Variants in MYO7B observed in about 807,000 individuals in gnomAD.
The protein encoded by MYO7B is unconventional myosin-VIIb.
In MYO7B, 212 loss-of-function variants were observed where a neutral mutation model predicts 259.7. That is an observed-to-expected ratio of 0.82 (90% CI 0.73 to 0.91). The LOEUF is 0.91. Ranked by LOEUF, MYO7B falls within the 40% of genes least tolerant of loss-of-function variation. The pLI is 0.00. For synonymous variants in MYO7B, 1,197 were observed against 1,166.4 expected (o/e 1.03, Z -0.54); for missense variants, 2,732 against 2,813.5 (o/e 0.97, Z 0.66).
chr2:127,556,624 C>G (rs771616387), intron 1 of MYO7B, among the ~76,000 whole-genome samples: 7 of 152,116 alleles, frequency 4.6e-5, no homozygotes, highest in Non-Finnish European at 1.0e-4. Flanking sequence ...CTGAAAAAGA[C>G]TGGATCTTTC....
rs1680321599 is a variant in MYO7B, at chr2:127,610,087, G to T, written c.3192+71G>T. 3 of 1,559,864 alleles carry T rather than the reference G, an allele frequency of 1.9e-6. No homozygotes were observed. In the African/African-American group the frequency reaches 4.0e-5, roughly 21 times the overall value. ...GTGCCTACCAGGGCCCAGTCCCTGGGGCAGCTGGACAGGACGGAGAGACAA... is the reference window on the plus strand; with the variant it reads ...GTGCCTACCAGGGCCCAGTCCCTGGTGCAGCTGGACAGGACGGAGAGACAA... On this transcript the variant is annotated intron_variant, in intron 24 of 47. Coordinates refer to ENST00000409816, the MANE Select transcript of MYO7B (RefSeq NM_001393586.1).
At chr2:127,548,388 T>C (rs1693317821) in intron 1 of MYO7B, among the ~76,000 whole-genome samples, 9 of 151,910 alleles carry the variant, frequency 5.9e-5, no homozygotes, top group Admixed American at 5.9e-4. Context: ...TTTCCTAAGG[T>C]GGAAGCTTAG....
chr2:127,539,267 GA>G lies in MYO7B; in HGVS notation c.-24+3440del, dbSNP rs1325102377. Among the ~76,000 whole-genome samples the G allele has an allele frequency of 6.6e-6, 1 of 152,148 alleles. No homozygotes were observed. Among genetic ancestry groups the G allele is most frequent in the African/African-American group, 2.4e-5 (1 of 41,428 alleles). On this transcript the variant is annotated intron_variant, in intron 1 of 47. Coordinates refer to ENST00000409816, the MANE Select transcript of MYO7B (RefSeq NM_001393586.1). This position sits in a 1 kb window ranked among gnomAD's most constrained non-coding sequence, Gnocchi z 4.0. Reference sequence around the variant, plus strand: ...TGGGACGTAGGATAAATGAAGGTAGGAAAATACACTGCAGCTGGGAAAATGT... The same window carrying G: ...TGGGACGTAGGATAAATGAAGGTAGGAAATACACTGCAGCTGGGAAAATGT...
intron 29 of MYO7B, 101 bp from the exon 30 acceptor site, chr2:127,623,992 C>G: frequency 8.8e-7 from 1 of 1,141,590 alleles, no homozygotes. Context: ...GCTCCAAGGG[C>G]CCCAGGCCCT....
Position 127,588,559 on chromosome 2 carries a change from G to T in MYO7B, c.1854+4G>T. On this transcript the variant is annotated splice_donor_region_variant and intron_variant, in intron 15 of 47. Transcript: ENST00000409816. ...GGCAGGAAACCATCTCTTCAAGGTG[G>T]GCTCCCAGGCACCCTCCTGGGTCTG... 1.2e-6 allele frequency: 2 copies of T among 1,612,896 alleles called. No individual in the cohort carries two copies. The highest frequency in any genetic ancestry group is 1.7e-6 in the Non-Finnish European group (2 of 1,179,816).
At chr2:127,565,449 GAGA>G in intron 4 of MYO7B, 64 bp downstream of exon 4, 1 of 1,587,962 alleles carries the variant, frequency 6.3e-7, no homozygotes, top group Non-Finnish European at 8.6e-7. Context: ...CCTGGACAGG[GAGA>G]AGAAAATGAT....
intron 20 of MYO7B, among the ~76,000 whole-genome samples, chr2:127,606,306 C>T (rs909431844): frequency 6.6e-6 from 1 of 152,216 alleles, no homozygotes; most frequent in Non-Finnish European, 1.5e-5. Flanking sequence ...CTCTTAACCA[C>T]GGGCATTTGC....
chr2:127,562,537 G>A (rs1573623708), intron 2 of MYO7B, among the ~76,000 whole-genome samples: 1 of 117,916 alleles, frequency 8.5e-6, no homozygotes, highest in Middle Eastern at 8.9e-3. Flanking sequence ...TGCCCATGCT[G>A]TTGTGCAGTG....
rs1057495683 is a variant in MYO7B, at chr2:127,577,775, C to T, written c.850-358C>T. Among the ~76,000 whole-genome samples the T allele has an allele frequency of 4.6e-5, 7 of 152,340 alleles. No individual in the cohort carries two copies. The highest frequency in any genetic ancestry group is 1.9e-4 in the East Asian group (1 of 5,184). ...GGCTCCCTGCCTGCCCCCCTGGATG[C>T]GCAGCACAGGGCCTGGCCCATGGCG... is the stretch of plus-strand genomic sequence containing the variant. On this transcript the variant is annotated intron_variant, in intron 8 of 47. Coordinates refer to ENST00000409816, the MANE Select transcript of MYO7B (RefSeq NM_001393586.1). The surrounding 1 kb of genome is among the most constrained non-coding windows in gnomAD (Gnocchi z 5.2).
At position 127,612,591 on chromosome 2, in the gene MYO7B, G is replaced by C. The variant is rs1228993592; in HGVS notation, c.3386G>C (p.Arg1129Pro). ...VHFIVGYAIL[R>P]PSLRDEIYCQ... The stretch of plus-strand genomic sequence containing the variant: ...TTCATCGTGGGCTACGCCATCCTGC[G>C]GCCCAGCCTCAGGTCAGTTCCCACT... The change falls in exon 26 of 48, where the codon CGG becomes CCG. Residue 1129 changes from arginine (R) to proline (P), a missense_variant. Around this residue, in one of 3 missense-constraint regions of MYO7B, gnomAD observed 1,906 missense variants for 2,026.4 expected, o/e 0.94. Coordinates refer to ENST00000409816, the MANE Select transcript of MYO7B (RefSeq NM_001393586.1). 6.2e-7 allele frequency: 1 copy of C among 1,609,830 alleles called. No individual in the cohort carries two copies. The highest frequency in any genetic ancestry group is 8.5e-7 in the Non-Finnish European group (1 of 1,178,556).
At chr2:127,538,663 T>G (rs1359639247) in intron 1 of MYO7B, among the ~76,000 whole-genome samples, 1 of 151,974 alleles carries the variant, frequency 6.6e-6, no homozygotes, top group Non-Finnish European at 1.5e-5. Flanking sequence ...CCTCCCAGGT[T>G]CAAGCAATTC....
At position 127,539,119 on chromosome 2, in the gene MYO7B, A is replaced by G. The variant is rs11899673; in HGVS notation, c.-24+3288A>G. 6.6e-3 allele frequency among the ~76,000 whole-genome samples: 1,005 copies of G among 152,292 alleles called. 11 individuals carry two copies. Among genetic ancestry groups the G allele is most frequent in the African/African-American group, 0.023 (951 of 41,556 alleles). On this transcript the variant is annotated intron_variant, in intron 1 of 47. Coordinates refer to ENST00000409816, the MANE Select transcript of MYO7B (RefSeq NM_001393586.1). This position sits in a 1 kb window ranked among gnomAD's most constrained non-coding sequence, Gnocchi z 4.0. ...ACAGGGCAGTGGTTCATGCACAAGT[A>G]TATGTATCTGTCAATTTCTCTTTCA...
chr2:127,569,897 C>A lies in MYO7B; in HGVS notation c.579C>A (p.Asn193Lys). The change falls in exon 6 of 48, where the codon AAC (asparagine) becomes AAA (lysine). Residue 193 changes from asparagine (N) to lysine (K), a missense_variant. Coordinates refer to ENST00000409816, the MANE Select transcript of MYO7B (RefSeq NM_001393586.1). ...TTGAGCAGCAGGTCCTGGAAGCCAA[C>A]CCCATCCTGGAGGGTAAGCATCACT... Reference protein sequence around the residue: ...SWIEQQVLEANPILEAFGNAK... With the variant: ...SWIEQQVLEAKPILEAFGNAK... 1.2e-6 allele frequency: 2 copies of A among 1,612,528 alleles called. No homozygotes were observed. The highest frequency in any genetic ancestry group is 2.2e-5 in the South Asian group (2 of 90,796).
chr2:127,617,116 G>A (rs971081386), intron 26 of MYO7B, among the ~76,000 whole-genome samples: 1 of 152,148 alleles, frequency 6.6e-6, no homozygotes, highest in African/African-American at 2.4e-5. Flanking sequence ...CCCACATCTT[G>A]ACAAGCTCTG....
intron 26 of MYO7B, among the ~76,000 whole-genome samples, chr2:127,617,920 A>G (rs1385093197): frequency 2.1e-5 from 3 of 144,520 alleles, no homozygotes; most frequent in Non-Finnish European, 3.0e-5. Context: ...TATTGTCCCT[A>G]TCTGTTCCTG....
chr2:127,544,988 G>A (rs1183450347), intron 1 of MYO7B, among the ~76,000 whole-genome samples: 2 of 152,140 alleles, frequency 1.3e-5, no homozygotes, highest in Admixed American at 6.5e-5. Flanking sequence ...ACCTCCCAAA[G>A]TGCTGGGATT....
In MYO7B at chr2:127,568,650, A is replaced by C. The variant is rs563350498; in HGVS notation, c.471-1139A>C. 2.4e-3 allele frequency among the ~76,000 whole-genome samples: 372 copies of C among 152,308 alleles called. 1 individual carries two copies. Among genetic ancestry groups the C allele is most frequent in the Non-Finnish European group, 3.8e-3 (260 of 68,018 alleles). ...GGTAGCTCACGCTTGTAATCCCAGC[A>C]CTTTGGGAGGCTGAGGCAGGTGGAT... is the stretch of plus-strand genomic sequence containing the variant. On this transcript the variant is annotated intron_variant, in intron 5 of 47. Coordinates refer to ENST00000409816, the MANE Select transcript of MYO7B (RefSeq NM_001393586.1).
At position 127,597,611 on chromosome 2, in the gene MYO7B, A is replaced by ATATT. The variant is rs36105119; in HGVS notation, c.2339+1093_2339+1096dup. On this transcript the variant is annotated intron_variant, in intron 19 of 47. Transcript: ENST00000409816. The surrounding 1 kb of genome is among the most constrained non-coding windows in gnomAD (Gnocchi z 4.8). ...TTCATCCAGGTTATTGCTTGCATTA[A>ATATT]TATTTATTTATTTATTTATTTATTT... is the stretch of plus-strand genomic sequence containing the variant. Among the ~76,000 whole-genome samples, 31,844 of 145,730 alleles carry ATATT rather than the reference A, an allele frequency of 0.22. 4,262 individuals carry two copies. The highest frequency in any genetic ancestry group is 0.36 in the African/African-American group (14,110 of 38,778).
intron 42 of MYO7B, 113 bp from the exon 43 acceptor site, chr2:127,635,007 C>T (rs1220436202): frequency 5.0e-6 from 4 of 807,670 alleles, no homozygotes; most frequent in Admixed American, 2.1e-5. Context: ...GAGGAAGAAG[C>T]GTGGGGGCTT....
Sources: gnomAD v4.1 joint callset for allele counts (sites outside exome capture counted in the v4.1 genomes callset) on GRCh38, gnomAD v4.1.1 for gene constraint, gnomAD v4.1.1 regional missense constraint, Gnocchi (gnomAD v3.1) non-coding constraint, MANE v1.5 for transcripts, NCBI Gene and HGNC (gene_info 2026-07-23, HGNC 2026-07-21) for gene names.